The following BST1 variants were observed in gnomAD, a reference collection of about 807,000 sequenced individuals.
The protein encoded by BST1 is bone marrow stromal cell antigen 1.
Under a neutral mutation model 40.6 loss-of-function variants are expected in BST1, and 49 were observed. The ratio of observed to expected loss-of-function variants is 1.21; its 90% CI spans 0.96 to 1.53. BST1 has a LOEUF of 1.53. Ranked by LOEUF, BST1 falls within the 40% of genes most tolerant of loss-of-function variation. The pLI is 0.00. For missense variants in BST1, 423 were observed against 395.9 expected (o/e 1.07, Z -0.58); for synonymous variants, 157 against 159.3 (o/e 0.99, Z 0.11).
chr4:15,733,799 C>T (rs911428918), downstream of BST1, among the ~76,000 whole-genome samples: 5 of 152,148 alleles, frequency 3.3e-5, no homozygotes, highest in African/African-American at 1.2e-4. Flanking sequence ...CCAATCACCT[C>T]CCACCAGACC....
intron 8 of BST1, among the ~76,000 whole-genome samples, chr4:15,728,391 G>A (rs568049682): frequency 1.3e-5 from 2 of 151,282 alleles, no homozygotes; most frequent in Non-Finnish European, 2.9e-5. Flanking sequence ...AAGAACAGCT[G>A]TTGGATTAAA....
chr4:15,743,282 T>A, downstream of BST1: 1 of 282,874 alleles, frequency 3.5e-6, no homozygotes, highest in Non-Finnish European at 7.0e-6. Flanking sequence ...AGGTGAAGCT[T>A]ACAGACATAC....
chr4:15,750,529 A>T, the BST1 span, among the ~76,000 whole-genome samples: 8 of 152,208 alleles, frequency 5.3e-5, no homozygotes, highest in Admixed American at 5.2e-4. Context: ...AATAAGACAG[A>T]TGTTGCTCTC....
chr4:15,722,863 T>C lies in BST1; in HGVS notation c.792-12T>C. ...TTTAAATAATCCCTTAAATATTATT[T>C]TCTTTCTGTAGACCAGTGAAGCTCT... On this transcript the variant is annotated splice_polypyrimidine_tract_variant and intron_variant, in intron 7 of 8. Transcript: ENST00000265016. The C allele has an allele frequency of 6.2e-7, 1 of 1,610,610 alleles. No homozygotes were observed. Among genetic ancestry groups the C allele is most frequent in the South Asian group, 1.1e-5 (1 of 90,638 alleles).
At chr4:15,734,135 G>A (rs907598544), downstream of BST1, among the ~76,000 whole-genome samples, 1 of 152,170 alleles carries the variant, frequency 6.6e-6, no homozygotes, top group Non-Finnish European at 1.5e-5. Flanking sequence ...TCCTCGAGAA[G>A]GCAGAACTAT....
intron 6 of BST1, among the ~76,000 whole-genome samples, 168 bp downstream of exon 6, chr4:15,715,967 A>G (rs1345058070): frequency 2.6e-5 from 4 of 152,358 alleles, no homozygotes; most frequent in East Asian, 1.9e-4. Flanking sequence ...GAATGCCACT[A>G]GCCAGTCCCG....
At chr4:15,745,219 A>G in the BST1 span, among the ~76,000 whole-genome samples, 2 of 152,178 alleles carry the variant, frequency 1.3e-5, no homozygotes, top group African/African-American at 4.8e-5. Flanking sequence ...AGAAAGTATT[A>G]CTGTTTACTG....
chr4:15,767,217 C>G, the BST1 span, among the ~76,000 whole-genome samples: 1 of 152,266 alleles, frequency 6.6e-6, no homozygotes, highest in East Asian at 1.9e-4. Context: ...CACAGAAAGC[C>G]AAAGGTGCTG....
the BST1 span, among the ~76,000 whole-genome samples, chr4:15,752,254 G>A: frequency 1.3e-5 from 2 of 152,114 alleles, no homozygotes; most frequent in Non-Finnish European, 2.9e-5. Flanking sequence ...TATTTTCGAA[G>A]GTGATGCATG....
At chr4:15,760,419 T>C in the BST1 span, among the ~76,000 whole-genome samples, 1 of 151,928 alleles carries the variant, frequency 6.6e-6, no homozygotes, top group Non-Finnish European at 1.5e-5. Flanking sequence ...ACATATGTTT[T>C]CATATCTCTT....
At chr4:15,736,208 A>G, downstream of BST1, 2 of 1,084,064 alleles carry the variant, frequency 1.8e-6, no homozygotes, top group Non-Finnish European at 2.5e-6. Context: ...CTTCAGCCTA[A>G]CTTCCACAAT....
At chr4:15,739,540 T>C (rs541744603), downstream of BST1, among the ~76,000 whole-genome samples, 1 of 147,994 alleles carries the variant, frequency 6.8e-6, no homozygotes, top group Admixed American at 6.9e-5. Context: ...AAAATGCATG[T>C]TAAGAAGCCA....
At chr4:15,714,643 TATACATCTCTGTGC>T (rs1225014799) in intron 4 of BST1, among the ~76,000 whole-genome samples, 1 of 152,258 alleles carries the variant, frequency 6.6e-6, no homozygotes, top group African/African-American at 2.4e-5. Context: ...ATTGCTGCAC[TATACATCTCTGTGC>T]ACAGTGCTCC....
At position 15,703,325 on chromosome 4, in the gene BST1, G is replaced by A. The variant is rs574160294; in HGVS notation, c.181G>A (p.Glu61Lys). The part of the protein sequence containing the change: ...CAEYRALLSP[E>K]QRNKNCTAIW... ...CGAGTACCGCGCACTGCTGAGTCCC[G>A]AGCAGCGGTGAGGCAGTCGGCCGGG... The change falls in exon 1 of 9, where the codon GAG becomes AAG. Residue 61 changes from glutamate to lysine, a missense_variant. Coordinates refer to ENST00000265016, the MANE Select transcript of BST1 (RefSeq NM_004334.3). 5 of 1,505,434 alleles carry A rather than the reference G, an allele frequency of 3.3e-6. No homozygotes were observed. The highest frequency in any genetic ancestry group is 4.4e-6 in the Non-Finnish European group (5 of 1,135,594). The allele number at this position is 1,505,434 out of a possible 1,614,324, so 93.3% of individuals were successfully genotyped here.
intron 2 of BST1, 106 bp from the exon 3 acceptor site, chr4:15,707,405 G>C: frequency 7.7e-7 from 1 of 1,292,914 alleles, no homozygotes; most frequent in Non-Finnish European, 1.1e-6. Flanking sequence ...CAGCAGGTCA[G>C]AGTTGAATGA....
At chr4:15,711,141 T>C (rs1720178933) in intron 3 of BST1, among the ~76,000 whole-genome samples, 1 of 152,216 alleles carries the variant, frequency 6.6e-6, no homozygotes, top group Admixed American at 6.5e-5. Flanking sequence ...ATATCTTGGC[T>C]ATTATGAATA....
chr4:15,721,329 C>A (rs1170404765), intron 7 of BST1, among the ~76,000 whole-genome samples: 1 of 152,164 alleles, frequency 6.6e-6, no homozygotes, highest in South Asian at 2.1e-4. Flanking sequence ...TCATGGCCTC[C>A]CTTACCTTCT....
chr4:15,732,083 T>C lies in BST1; in HGVS notation c.*238T>C. The stretch of plus-strand genomic sequence containing the variant: ...AGAATTAAAGCAAGTTATTTTCTTA[T>C]TTGTATAATGACACAAAGCATTGGG... On this transcript the variant is annotated 3_prime_UTR_variant, in exon 9 of 9. Coordinates refer to ENST00000265016, the MANE Select transcript of BST1 (RefSeq NM_004334.3). 4 of 1,228,846 alleles carry C rather than the reference T, an allele frequency of 3.3e-6. No homozygotes were observed. The highest frequency in any genetic ancestry group is 4.1e-6 in the Non-Finnish European group (4 of 983,432). The allele number at this position is 1,228,846 out of a possible 1,614,324, so 76.1% of individuals were successfully genotyped here.
In BST1 at chr4:15,718,959, A is replaced by C; in HGVS notation, c.757A>C (p.Met253Leu). Residue 253 changes from methionine to leucine, a missense_variant, in exon 7 of 9, where the codon ATG (methionine) becomes CTG (leucine). Transcript: ENST00000265016. ...AGTCCTGGAAAAGAGGCTGAAGGACATGGGGTTCCAGTACAGCTGTATTAA... is the reference window on the plus strand; with the variant it reads ...AGTCCTGGAAAAGAGGCTGAAGGACCTGGGGTTCCAGTACAGCTGTATTAA... Reference protein sequence around the residue: ...MKVLEKRLKDMGFQYSCINDY... With the variant: ...MKVLEKRLKDLGFQYSCINDY... 6.2e-7 allele frequency: 1 copy of C among 1,614,142 alleles called. No homozygotes were observed.
Sources: gnomAD v4.1 joint callset for allele counts (sites outside exome capture counted in the v4.1 genomes callset) on GRCh38, gnomAD v4.1.1 for gene constraint, MANE v1.5 for transcripts, NCBI Gene and HGNC (gene_info 2026-07-23, HGNC 2026-07-21) for gene names.